Variants in COPG2 observed in about 807,000 individuals in gnomAD.
COPG2 encodes the protein coat protein complex I subunit gamma 2.
COPG2 carries 37 observed loss-of-function variants against 46.3 expected under a neutral mutation model. The observed-to-expected ratio is 0.80, with a 90% CI of 0.61 to 1.05. COPG2 has a LOEUF of 1.05. COPG2 is among the 50% of genes least tolerant of loss of function. The pLI, the probability that COPG2 is intolerant of heterozygous loss-of-function variation, is 0.00. For synonymous variants in COPG2, 159 were observed against 129.7 expected (o/e 1.23, Z -1.53); for missense variants, 427 against 387.8 (o/e 1.10, Z -0.85).
At chr7:130,595,029 C>A (rs550088842) in intron 9 of COPG2, among the ~76,000 whole-genome samples, 1 of 152,232 alleles carries the variant, frequency 6.6e-6, no homozygotes, top group African/African-American at 2.4e-5. Flanking sequence ...CCCCAAAGAA[C>A]TGAAATGTAT....
intron 5 of COPG2, among the ~76,000 whole-genome samples, chr7:130,651,238 A>G (rs1411476957): frequency 1.3e-5 from 2 of 152,188 alleles, no homozygotes; most frequent in Non-Finnish European, 1.5e-5. Flanking sequence ...GTTTAAAAGA[A>G]AATAAATATC....
chr7:130,513,331 A>ATGTGTGTGTGTGTGTGTGTG (rs1799637038), intron 20 of COPG2, among the ~76,000 whole-genome samples: 2 of 72,246 alleles, frequency 2.8e-5, no homozygotes, highest in African/African-American at 9.1e-5. Context: ...ATATATATAT[A>ATGTGTGTGTGTGTGTGTGTG]TATATATATA....
intron 18 of COPG2, among the ~76,000 whole-genome samples, chr7:130,548,861 C>T (rs1253568216): frequency 2.0e-5 from 3 of 151,408 alleles, no homozygotes; most frequent in East Asian, 1.9e-4. Context: ...GAGCTTGCAG[C>T]GAGCCGGTAT....
chr7:130,575,129 T>G (rs1301387795), intron 9 of COPG2, among the ~76,000 whole-genome samples: 1 of 152,148 alleles, frequency 6.6e-6, no homozygotes, highest in African/African-American at 2.4e-5. Context: ...GAAAATGTAT[T>G]TGGGGGAATA....
intron 9 of COPG2, among the ~76,000 whole-genome samples, chr7:130,589,682 C>T (rs1554448541): frequency 6.6e-6 from 1 of 152,124 alleles, no homozygotes; most frequent in East Asian, 1.9e-4. Flanking sequence ...CATGTTCTAG[C>T]CAACACTAGA....
At chr7:130,587,026 G>C (rs1794287379) in intron 9 of COPG2, among the ~76,000 whole-genome samples, 1 of 151,784 alleles carries the variant, frequency 6.6e-6, no homozygotes, top group South Asian at 2.1e-4. Context: ...ATACCATTCA[G>C]CTGGGCGTGG....
Position 130,618,100 on chromosome 7 carries a change from C to CAAAAAAAAAAAAA in COPG2, c.324-1048_324-1036dup, listed in dbSNP as rs10695449. Among the ~76,000 whole-genome samples, 2 of 64,598 alleles carry CAAAAAAAAAAAAA rather than the reference C, an allele frequency of 3.1e-5. 1 individual carries two copies. 42.4% of individuals were successfully genotyped at this position (64,598 alleles called of 152,430 possible). The stretch of plus-strand genomic sequence containing the variant: ...TGGGTGACAGAGTGAGACCCTGTCT[C>CAAAAAAAAAAAAA]AAAAAAAAAAAAAAAAAAAGACTTT... On this transcript the variant is annotated intron_variant, in intron 5 of 23. Coordinates refer to ENST00000425248, the MANE Select transcript of COPG2 (RefSeq NM_012133.6).
intron 6 of COPG2, among the ~76,000 whole-genome samples, chr7:130,616,006 A>T (rs1794943000): frequency 6.6e-6 from 1 of 152,174 alleles, no homozygotes; most frequent in Non-Finnish European, 1.5e-5. Context: ...ATCATTAGGG[A>T]TGAGTTGCCA....
chr7:130,595,298 T>G (rs1414839165), intron 9 of COPG2, among the ~76,000 whole-genome samples: 2 of 152,190 alleles, frequency 1.3e-5, no homozygotes, highest in Non-Finnish European at 2.9e-5. Flanking sequence ...ATATGAGATG[T>G]CCAGAACAGG....
intron 20 of COPG2, among the ~76,000 whole-genome samples, chr7:130,519,423 G>A (rs1170888798): frequency 2.6e-5 from 4 of 152,156 alleles, no homozygotes; most frequent in Admixed American, 1.3e-4. Context: ...ATGGAGGGTG[G>A]AAAGAGATTA....
chr7:130,576,436 C>T (rs1554446235), intron 9 of COPG2, among the ~76,000 whole-genome samples: 4 of 152,134 alleles, frequency 2.6e-5, no homozygotes, highest in Non-Finnish European at 2.9e-5. Flanking sequence ...CGTGCAAATA[C>T]ATGGAAATTA....
intron 20 of COPG2, among the ~76,000 whole-genome samples, chr7:130,543,694 C>T (rs1365359278): frequency 3.9e-5 from 6 of 152,104 alleles, no homozygotes; most frequent in Non-Finnish European, 8.8e-5. Flanking sequence ...AAAGACTGGG[C>T]GTTACCAATA....
chr7:130,561,351 A>G (rs1252577270), intron 11 of COPG2, 130 bp from the exon 12 acceptor site: 9 of 395,764 alleles, frequency 2.3e-5, no homozygotes, highest in African/African-American at 1.2e-4. Flanking sequence ...CAAAAACAAA[A>G]AGAATGGCTC....
intron 20 of COPG2, among the ~76,000 whole-genome samples, chr7:130,513,341 A>ATATATATATATATATGTGTG (rs1215646008): frequency 5.8e-5 from 3 of 51,554 alleles, no homozygotes; most frequent in African/African-American, 1.1e-4. Context: ...ATATATATAT[A>ATATATATATATATATGTGTG]TGTGTGTGTG....
At chr7:130,510,526 C>G (rs1584958405) in intron 20 of COPG2, among the ~76,000 whole-genome samples, 1 of 152,136 alleles carries the variant, frequency 6.6e-6, no homozygotes, top group East Asian at 1.9e-4. Context: ...TCCAATTAAG[C>G]AGAGAGGCTA....
At chr7:130,636,623 T>A (rs1584598237) in intron 5 of COPG2, among the ~76,000 whole-genome samples, 1 of 150,744 alleles carries the variant, frequency 6.6e-6, no homozygotes, top group African/African-American at 2.4e-5. Context: ...TGTCTCTGCA[T>A]GTGAGATCAG....
intron 4 of COPG2, among the ~76,000 whole-genome samples, chr7:130,661,101 G>A (rs926672460): frequency 1.3e-5 from 2 of 152,176 alleles, no homozygotes; most frequent in African/African-American, 2.4e-5. Flanking sequence ...AAATTCATAA[G>A]CACTAACTTC....
intron 20 of COPG2, among the ~76,000 whole-genome samples, chr7:130,512,755 AAAAG>A (rs1229594154): frequency 1.3e-5 from 2 of 152,184 alleles, no homozygotes; most frequent in Non-Finnish European, 2.9e-5. Flanking sequence ...AAAAAAAGAA[AAAAG>A]AGAGAGATGG....
In COPG2 at chr7:130,667,064, T is replaced by C. The variant is rs1259445403; in HGVS notation, c.91-135A>G. The C allele has an allele frequency of 1.7e-5, 10 of 588,984 alleles. No individual in the cohort carries two copies. In the Admixed American group the frequency reaches 2.1e-4, roughly 13 times the overall value. 36.5% of individuals were successfully genotyped at this position (588,984 alleles called of 1,614,324 possible). A position where few individuals can be genotyped will look rare whatever the true frequency, so the allele number is the denominator to read the frequency against. On this transcript the variant is annotated intron_variant, in intron 2 of 23. Coordinates refer to ENST00000425248, the MANE Select transcript of COPG2 (RefSeq NM_012133.6). ...GTCTATAGTTCTCAATTTACTAAGG[T>C]ATCTGATAAATTATTACACGTGGCC...
Sources: gnomAD v4.1 joint callset for allele counts (sites outside exome capture counted in the v4.1 genomes callset) on GRCh38, gnomAD v4.1.1 for gene constraint, MANE v1.5 for transcripts, NCBI Gene and HGNC (gene_info 2026-07-23, HGNC 2026-07-21) for gene names.